FNBP4: variants seen among roughly 807,000 people sequenced by gnomAD.
The protein encoded by FNBP4 is formin binding protein 4, also known as formin-binding protein 4.
Under a neutral mutation model 119.3 loss-of-function variants are expected in FNBP4, and 34 were observed. The ratio of observed to expected loss-of-function variants is 0.28; its 90% CI spans 0.22 to 0.38. The LOEUF is 0.38. Ranked by LOEUF, FNBP4 falls within the 10% of genes least tolerant of loss-of-function variation. FNBP4 has a pLI of 1.00. For missense variants in FNBP4, 1,112 were observed against 1,228.9 expected, an observed-to-expected ratio of 0.90 and a Z score of 1.42; for synonymous variants, 462 against 430.6, an observed-to-expected ratio of 1.07 and a Z score of -0.90.
At chr11:47,765,929 G>A (rs1348412207) in intron 1 of FNBP4, among the ~76,000 whole-genome samples, 1 of 135,930 alleles carries the variant, frequency 7.4e-6, no homozygotes, top group Non-Finnish European at 1.5e-5. Context: ...CGAGTAATCC[G>A]CCTACCTCGG....
intron 2 of FNBP4, 108 bp from the exon 3 acceptor site, chr11:47,754,772 G>C: frequency 8.7e-7 from 1 of 1,149,618 alleles, no homozygotes; most frequent in South Asian, 1.5e-5. Context: ...TTACAGATTA[G>C]AACATAACCG....
chr11:47,737,671 C>T (rs189959551), intron 8 of FNBP4, among the ~76,000 whole-genome samples: 7 of 150,948 alleles, frequency 4.6e-5, no homozygotes, highest in African/African-American at 1.7e-4. Context: ...AACTCCTGGA[C>T]TCACGCAATC....
At position 47,719,909 on chromosome 11, in the gene FNBP4, T is replaced by G. The variant is rs369033124; in HGVS notation, c.2963+20A>C. On this transcript the variant is annotated intron_variant, in intron 16 of 16. Coordinates refer to ENST00000263773, the MANE Select transcript of FNBP4 (RefSeq NM_015308.5). ...ACCTACTCCAAAACCCCATCTCATCTGTGTTTCCTTTTCTTTTACCTAACC... is the reference window on the plus strand; with the variant it reads ...ACCTACTCCAAAACCCCATCTCATCGGTGTTTCCTTTTCTTTTACCTAACC... 3.5e-5 allele frequency: 57 copies of G among 1,612,954 alleles called. No individual in the cohort carries two copies. Among genetic ancestry groups the G allele is most frequent in the Admixed American group, 1.5e-4 (9 of 59,850 alleles).
At position 47,765,325 on chromosome 11, in the gene FNBP4, A is replaced by G. The variant is rs754414394; in HGVS notation, c.258T>C (p.Val86=). ...QEAVQEVPRV[V]QNPPKPVMTT... ...TCATGACTGGTTTTGGAGGATTCTGAACAACTCTAGGAACCTCCTGCACCG... is the reference window on the plus strand; with the variant it reads ...TCATGACTGGTTTTGGAGGATTCTGGACAACTCTAGGAACCTCCTGCACCG... The change falls in exon 2 of 17, where the codon GTT becomes GTC. Residue 86 remains valine (V), a synonymous_variant. Transcript: ENST00000263773. 5.0e-6 allele frequency: 8 copies of G among 1,611,898 alleles called. No homozygotes were observed. The Admixed American group carries it at 1.3e-4, about 27-fold the overall frequency.
intron 2 of FNBP4, among the ~76,000 whole-genome samples, chr11:47,758,702 A>G (rs1192094056): frequency 6.6e-6 from 1 of 151,580 alleles, no homozygotes; most frequent in Non-Finnish European, 1.5e-5. Context: ...TCTACTAAAA[A>G]CAAAAAATTA....
intron 8 of FNBP4, among the ~76,000 whole-genome samples, chr11:47,741,409 T>C (rs2097581842): frequency 1.3e-5 from 2 of 151,786 alleles, no homozygotes; most frequent in African/African-American, 4.9e-5. Flanking sequence ...CCTCAAATGA[T>C]CTTTCCGCTT....
intron 10 of FNBP4, 113 bp downstream of exon 10, chr11:47,733,912 T>G (rs1314586888): frequency 1.9e-6 from 1 of 521,534 alleles, no homozygotes; most frequent in African/African-American, 2.0e-5. Flanking sequence ...TTCTTCAAGG[T>G]TAAAAATTTA....
chr11:47,762,205 C>A (rs906154128), intron 2 of FNBP4, among the ~76,000 whole-genome samples: 4 of 150,894 alleles, frequency 2.7e-5, no homozygotes, highest in African/African-American at 4.9e-5. Context: ...TGGTCTAGCT[C>A]ATTGCAACCT....
At chr11:47,748,163 C>A (rs1201713689) in intron 6 of FNBP4, among the ~76,000 whole-genome samples, 1 of 150,334 alleles carries the variant, frequency 6.7e-6, no homozygotes, top group Admixed American at 6.6e-5. Context: ...CGCTTGAACC[C>A]GGGGGGTGGA....
chr11:47,749,652 C>T (rs868107855), intron 6 of FNBP4, among the ~76,000 whole-genome samples: 2 of 152,090 alleles, frequency 1.3e-5, no homozygotes, highest in Non-Finnish European at 2.9e-5. Context: ...CTAAGGAATA[C>T]AACTTACTTT....
intron 2 of FNBP4, among the ~76,000 whole-genome samples, chr11:47,758,619 C>T (rs546862545): frequency 2.8e-4 from 43 of 152,080 alleles, no homozygotes; most frequent in African/African-American, 1.0e-3. Flanking sequence ...AATGCCAGCA[C>T]TTTGGGAGGC....
chr11:47,719,568 ATGTGTGTATGTGTGTGTG>A (rs529679315), intron 16 of FNBP4, among the ~76,000 whole-genome samples: 2,807 of 104,910 alleles, frequency 0.027, 28 homozygotes, highest in Middle Eastern at 0.041. Context: ...TTAATATGTT[ATGTGTGTATGTGTGTGTG>A]TGTGTGTGTG....
At chr11:47,720,833 C>T (rs952901450) in intron 15 of FNBP4, among the ~76,000 whole-genome samples, 2 of 150,798 alleles carry the variant, frequency 1.3e-5, no homozygotes, top group East Asian at 2.0e-4. Flanking sequence ...CCATATTAGC[C>T]GGGGGCGGTG....
At chr11:47,735,150 A>C (rs151142974) in intron 9 of FNBP4, among the ~76,000 whole-genome samples, 1 of 151,094 alleles carries the variant, frequency 6.6e-6, no homozygotes, top group Non-Finnish European at 1.5e-5. Flanking sequence ...TGTGATAATC[A>C]TATCATAATA....
At chr11:47,731,714 T>C in intron 11 of FNBP4, 153 bp from the exon 12 acceptor site, 1 of 1,397,048 alleles carries the variant, frequency 7.2e-7, no homozygotes, top group Non-Finnish European at 9.2e-7. Flanking sequence ...CTTTGACAAT[T>C]GAGAATGGAG....
chr11:47,756,540 A>G (rs921754678), intron 2 of FNBP4, among the ~76,000 whole-genome samples: 12 of 151,766 alleles, frequency 7.9e-5, no homozygotes, highest in Admixed American at 5.3e-4. Flanking sequence ...TATGTAGGTT[A>G]AGTTTTTTGT....
At chr11:47,741,740 C>T (rs906937629) in intron 8 of FNBP4, among the ~76,000 whole-genome samples, 6 of 151,908 alleles carry the variant, frequency 3.9e-5, no homozygotes, top group South Asian at 2.1e-4. Flanking sequence ...CGCTTGAACT[C>T]GGAGGGTGGA....
intron 8 of FNBP4, among the ~76,000 whole-genome samples, chr11:47,741,424 C>T (rs1051489849): frequency 1.3e-5 from 2 of 151,726 alleles, no homozygotes; most frequent in African/African-American, 4.9e-5. Context: ...CCGCTTTGCC[C>T]TCCGAAAGTA....
intron 1 of FNBP4, 151 bp downstream of exon 1, chr11:47,766,918 G>C (rs944133405): frequency 7.5e-7 from 1 of 1,337,582 alleles, no homozygotes; most frequent in Non-Finnish European, 9.5e-7. Context: ...TCTGCGGCCC[G>C]GAGCCCAGGG....
Sources: allele counts gnomAD v4.1 joint callset (sites outside exome capture counted in the v4.1 genomes callset), GRCh38; gene constraint gnomAD v4.1.1; transcripts MANE v1.5; gene names NCBI Gene and HGNC (gene_info 2026-07-23, HGNC 2026-07-21).